NBEA: variants seen among roughly 807,000 people sequenced by gnomAD.
NBEA encodes the protein lysosomal-trafficking regulator 2.
NBEA carries 44 observed loss-of-function variants against 343.4 expected under a neutral mutation model. The ratio of observed to expected loss-of-function variants is 0.13; its 90% confidence interval spans 0.10 to 0.16. The LOEUF (loss-of-function observed/expected upper bound fraction) is 0.16. NBEA is among the 10% of genes least tolerant of loss of function. The probability of loss-of-function intolerance (pLI) is 1.00; values close to 1 mark genes in which losing one functional copy is unlikely to be tolerated. For missense variants in NBEA, 2,555 were observed against 3,631.3 expected (o/e 0.70, Z 7.62); for synonymous variants, 1,175 against 1,238.7 (o/e 0.95, Z 1.08).
chr13:35,041,314 T>C, intron 2 of NBEA, 150 bp downstream of exon 2: 1 of 685,326 alleles, frequency 1.5e-6, no homozygotes, highest in South Asian at 2.1e-5. Context: ...TTTATATTAA[T>C]GGAAAACCTG....
chr13:35,142,478 C>G, intron 18 of NBEA, 101 bp downstream of exon 18: 1 of 640,586 alleles, frequency 1.6e-6, no homozygotes, highest in Non-Finnish European at 2.5e-6. Context: ...AATCTAAAAG[C>G]TAATTAAACC....
intron 18 of NBEA, among the ~76,000 whole-genome samples, chr13:35,152,190 C>T (rs961051470): frequency 6.0e-4 from 91 of 152,160 alleles, no homozygotes; most frequent in African/African-American, 2.1e-3. Context: ...TAAAGGAAAA[C>T]ATATATTTTT....
At chr13:35,065,665 CCTT>C (rs972416268) in intron 8 of NBEA, among the ~76,000 whole-genome samples, 1 of 151,984 alleles carries the variant, frequency 6.6e-6, no homozygotes, top group African/African-American at 2.4e-5. Context: ...ATCTTTATCT[CCTT>C]CTTTATTTCT....
At chr13:35,384,210 T>C (rs2042135365) in intron 38 of NBEA, among the ~76,000 whole-genome samples, 2 of 152,220 alleles carry the variant, frequency 1.3e-5, no homozygotes, top group Admixed American at 6.5e-5. Flanking sequence ...TAATATTATA[T>C]CAGTGTTCTG....
chr13:35,053,919 G>C (rs2063153134), intron 6 of NBEA, among the ~76,000 whole-genome samples: 1 of 152,058 alleles, frequency 6.6e-6, no homozygotes, highest in Non-Finnish European at 1.5e-5. Context: ...GAGATACTAA[G>C]TAATTTGCCA....
intron 38 of NBEA, among the ~76,000 whole-genome samples, chr13:35,413,549 T>C (rs1402378936): frequency 6.6e-6 from 1 of 152,102 alleles, no homozygotes; most frequent in Non-Finnish European, 1.5e-5. Context: ...GAAAATCAAG[T>C]ACATGCTCAT....
intron 36 of NBEA, among the ~76,000 whole-genome samples, chr13:35,331,521 T>C (rs1352373863): frequency 1.3e-5 from 2 of 152,062 alleles, no homozygotes; most frequent in Non-Finnish European, 2.9e-5. Context: ...TGAATTTGTC[T>C]GACCTATCCT....
intron 34 of NBEA, among the ~76,000 whole-genome samples, chr13:35,278,466 T>A (rs2034803338): frequency 6.6e-6 from 1 of 152,148 alleles, no homozygotes; most frequent in Admixed American, 6.5e-5. Context: ...ACCAAAATGC[T>A]CAAGGTCTAC....
rs796695749 is a variant in NBEA at position 35,274,711 on chromosome 13, C to T, written c.5777-15678C>T. 3.3e-5 allele frequency among the ~76,000 whole-genome samples: 5 copies of T among 151,464 alleles called. No individual in the cohort carries two copies. The South Asian group carries it at 1.0e-3, about 31-fold the overall frequency. ...TGCAAAAATCACAAGCATTCCTATA[C>T]ACCAGTAATAGAGAGCCAAATTATG... On this transcript the variant is annotated intron_variant, in intron 34 of 58. Coordinates refer to ENST00000379939, the MANE Select transcript of NBEA (RefSeq NM_001385012.1).
intron 39 of NBEA, among the ~76,000 whole-genome samples, chr13:35,437,198 G>A (rs1285997248): frequency 1.3e-5 from 2 of 152,018 alleles, no homozygotes; most frequent in Non-Finnish European, 2.9e-5. Flanking sequence ...GTGATGGGAA[G>A]GAACATTTAG....
At chr13:35,569,428 G>T (rs554650976) in intron 45 of NBEA, among the ~76,000 whole-genome samples, 1 of 152,128 alleles carries the variant, frequency 6.6e-6, no homozygotes. Flanking sequence ...AACCTCGTAC[G>T]ATGACTACTA....
At chr13:35,066,135 G>GT (rs992220153) in intron 8 of NBEA, among the ~76,000 whole-genome samples, 2 of 151,902 alleles carry the variant, frequency 1.3e-5, no homozygotes, top group Admixed American at 6.6e-5. Context: ...TAATTTTTCA[G>GT]TTTTTTATGG....
Position 35,665,137 on chromosome 13 carries a change from C to G in NBEA, c.8415C>G (p.Val2805=). ...AVLTGHDHEV[V]CVSVCAELGL... ...TCACAGGCCATGACCATGAAGTTGT[C>G]TGTGTTTCTGTCTGTGCAGAACTTG... The change falls in exon 56 of 59, where the codon GTC becomes GTG. Residue 2805 remains valine, a synonymous_variant. Coordinates refer to ENST00000379939, the MANE Select transcript of NBEA (RefSeq NM_001385012.1). 1 of 1,590,736 alleles carries G rather than the reference C, an allele frequency of 6.3e-7. No homozygotes were observed. Among genetic ancestry groups the G allele is most frequent in the Non-Finnish European group, 8.6e-7 (1 of 1,166,650 alleles).
chr13:35,262,854 C>G (rs2033326280), intron 34 of NBEA, among the ~76,000 whole-genome samples: 1 of 152,160 alleles, frequency 6.6e-6, no homozygotes, highest in Non-Finnish European at 1.5e-5. Flanking sequence ...AATTAGCAAG[C>G]TATTCCATGT....
rs748190843 is a variant in NBEA at position 35,009,274 on chromosome 13, A to T, written c.295-31659A>T. Among the ~76,000 whole-genome samples the T allele has an allele frequency of 1.1e-3, 167 of 152,220 alleles. 5 individuals are homozygous for T. Among genetic ancestry groups the T allele is most frequent in the Non-Finnish European group, 2.8e-4 (19 of 68,032 alleles). ...TACATTTTAGGGACAGTTGATAGGA[A>T]ATAAAGCATACACCTGAAATACATA... On this transcript the variant is annotated intron_variant, in intron 1 of 58. Transcript: ENST00000379939.
intron 36 of NBEA, among the ~76,000 whole-genome samples, chr13:35,312,667 T>C (rs1258720733): frequency 3.3e-5 from 5 of 152,200 alleles, no homozygotes; most frequent in African/African-American, 2.4e-5. Flanking sequence ...CATGGACTAA[T>C]AGTAGCTATG....
intron 1 of NBEA, among the ~76,000 whole-genome samples, chr13:34,971,777 G>A (rs2060002763): frequency 6.6e-6 from 1 of 151,436 alleles, no homozygotes; most frequent in South Asian, 2.1e-4. Context: ...GAGGATTTTT[G>A]CATCGATATT....
chr13:35,017,603 A>G lies in NBEA; in HGVS notation c.295-23330A>G, dbSNP rs150619081. Among the ~76,000 whole-genome samples, 686 of 152,188 alleles carry G rather than the reference A, an allele frequency of 4.5e-3. 10 individuals are homozygous for G. Among genetic ancestry groups the G allele is most frequent in the African/African-American group, 0.015 (634 of 41,524 alleles). On this transcript the variant is annotated intron_variant, in intron 1 of 58. Coordinates refer to ENST00000379939, the MANE Select transcript of NBEA (RefSeq NM_001385012.1). ...TTCCATGTGCTTACAGAACATTTTT[A>G]TATCTTTTTTTGAAATATCTGTTAA...
intron 31 of NBEA, 39 bp downstream of exon 31, chr13:35,196,341 A>G (rs2072593853): frequency 1.3e-6 from 2 of 1,515,424 alleles, no homozygotes; most frequent in Admixed American, 2.2e-5. Flanking sequence ...CTTTATACAT[A>G]AAAGGAAAAT....
Sources: gnomAD v4.1 joint callset for allele counts (sites outside exome capture counted in the v4.1 genomes callset) on GRCh38, gnomAD v4.1.1 for gene constraint, MANE v1.5 for transcripts, NCBI Gene and HGNC (gene_info 2026-07-23, HGNC 2026-07-21) for gene names.